The following STAG1 variants were observed in gnomAD, a reference collection of about 807,000 sequenced individuals.
The protein encoded by STAG1 is STAG1 cohesin complex component, also known as cohesin subunit SA-1.
In STAG1, 26 loss-of-function variants were observed where a neutral mutation model predicts 170.9. The observed-to-expected ratio is 0.15, with a 90% CI of 0.11 to 0.21. The LOEUF (loss-of-function observed/expected upper bound fraction) is 0.21, where lower values mean the gene tolerates loss of function less well. STAG1 is among the 10% of genes least tolerant of loss of function. The pLI, the probability that STAG1 is intolerant of heterozygous loss-of-function variation, is 1.00. For synonymous variants in STAG1, 514 were observed against 497.7 expected (o/e 1.03, Z -0.44); for missense variants, 964 against 1,509.5 (o/e 0.64, Z 5.99).
At chr3:136,694,212 A>G (rs1014623789) in intron 1 of STAG1, among the ~76,000 whole-genome samples, 1 of 152,194 alleles carries the variant, frequency 6.6e-6, no homozygotes, top group Admixed American at 6.5e-5. Context: ...ACTTATCCCA[A>G]TATCGTAGGC....
chr3:136,391,699 C>T (rs764107418), intron 22 of STAG1, among the ~76,000 whole-genome samples: 2 of 152,098 alleles, frequency 1.3e-5, no homozygotes, highest in Non-Finnish European at 2.9e-5. Context: ...CTCTTATTTG[C>T]CTGGCTCTTT....
At chr3:136,657,342 G>A (rs888186210) in intron 1 of STAG1, among the ~76,000 whole-genome samples, 2 of 151,896 alleles carry the variant, frequency 1.3e-5, no homozygotes, top group Non-Finnish European at 2.9e-5. Flanking sequence ...AGGATTACAG[G>A]TGCATCCCAC....
At chr3:136,519,603 A>G (rs1244736792) in intron 7 of STAG1, among the ~76,000 whole-genome samples, 1 of 152,074 alleles carries the variant, frequency 6.6e-6, no homozygotes, top group Admixed American at 6.6e-5. Context: ...TACTGTACAC[A>G]GAAAGAAGTA....
intron 12 of STAG1, 21 bp from the exon 13 acceptor site, chr3:136,465,009 C>T (rs1208560475): frequency 5.2e-6 from 8 of 1,551,312 alleles, no homozygotes; most frequent in Admixed American, 3.6e-5. Flanking sequence ...CAGAAAGTAA[C>T]ATCTGATCTA....
At chr3:136,654,825 A>G (rs1941324286) in intron 1 of STAG1, among the ~76,000 whole-genome samples, 1 of 152,216 alleles carries the variant, frequency 6.6e-6, no homozygotes, top group South Asian at 2.1e-4. Flanking sequence ...AATAGAAAAG[A>G]GAGCCCACAA....
intron 7 of STAG1, among the ~76,000 whole-genome samples, chr3:136,520,714 G>A (rs1488867124): frequency 1.3e-5 from 2 of 152,072 alleles, no homozygotes; most frequent in African/African-American, 2.4e-5. Flanking sequence ...TGACTTTAAA[G>A]ATGTTAATAT....
intron 1 of STAG1, among the ~76,000 whole-genome samples, chr3:136,703,707 CA>C (rs1243466439): frequency 1.3e-5 from 2 of 151,988 alleles, no homozygotes; most frequent in African/African-American, 4.8e-5. Context: ...TTAAAATCGA[CA>C]ATTAAAAAAC....
intron 1 of STAG1, among the ~76,000 whole-genome samples, chr3:136,634,329 C>T (rs1484233031): frequency 6.6e-6 from 1 of 151,706 alleles, no homozygotes; most frequent in Admixed American, 6.6e-5. Context: ...TACACTCCAG[C>T]CTGGGGTGAC....
At chr3:136,670,753 T>TGAGCCACCATGCCC (rs1356139546) in intron 1 of STAG1, among the ~76,000 whole-genome samples, 1 of 152,106 alleles carries the variant, frequency 6.6e-6, no homozygotes, top group African/African-American at 2.4e-5. Context: ...ATTACAGGTC[T>TGAGCCACCATGCCC]GAGCCACCAT....
At chr3:136,698,384 GA>G in intron 1 of STAG1, among the ~76,000 whole-genome samples, 1 of 152,178 alleles carries the variant, frequency 6.6e-6, no homozygotes, top group Non-Finnish European at 1.5e-5. Flanking sequence ...TAACAAGCAT[GA>G]AAAAATGCTC....
At chr3:136,338,342 T>C in intron 33 of STAG1, 28 bp downstream of exon 33, 1 of 1,594,146 alleles carries the variant, frequency 6.3e-7, no homozygotes, top group Non-Finnish European at 8.6e-7. Context: ...GAACCATAAA[T>C]AAAAAGCAGT....
chr3:136,598,354 C>T (rs528568112), intron 4 of STAG1, among the ~76,000 whole-genome samples: 1 of 152,242 alleles, frequency 6.6e-6, no homozygotes, highest in African/African-American at 2.4e-5. Flanking sequence ...CTGGCTCCAA[C>T]ATTTTCACTA....
chr3:136,386,063 C>T (rs1363548172), intron 22 of STAG1, among the ~76,000 whole-genome samples: 2 of 152,122 alleles, frequency 1.3e-5, no homozygotes, highest in African/African-American at 2.4e-5. Context: ...CTTGGCCGGG[C>T]GCAGTGGCTC....
At chr3:136,375,467 C>T (rs1937540348) in intron 23 of STAG1, among the ~76,000 whole-genome samples, 1 of 152,190 alleles carries the variant, frequency 6.6e-6, no homozygotes, top group Non-Finnish European at 1.5e-5. Context: ...TTTGGGATAA[C>T]TGTATATCTG....
rs531593085 is a variant in STAG1 at position 136,606,355 on chromosome 3, A to T, written c.133-1882T>A. On this transcript the variant is annotated intron_variant, in intron 3 of 33. Transcript: ENST00000383202. ...AGGCGCCTGTCATCACGCCCAGCTC[A>T]TTTTTGTACTTTTAGTACAGACAAG... 5.9e-5 allele frequency among the ~76,000 whole-genome samples: 9 copies of T among 152,094 alleles called. No individual in the cohort carries two copies. The South Asian group carries it at 1.9e-3, about 32-fold the overall frequency.
At chr3:136,488,232 C>T (rs2090055091) in intron 9 of STAG1, among the ~76,000 whole-genome samples, 3 of 152,358 alleles carry the variant, frequency 2.0e-5, no homozygotes, top group Admixed American at 2.0e-4. Context: ...AAGTGATTCT[C>T]CTGCCTCAGC....
chr3:136,363,306 C>A, intron 26 of STAG1, 60 bp downstream of exon 26: 1 of 875,804 alleles, frequency 1.1e-6, no homozygotes, highest in Non-Finnish European at 1.9e-6. Flanking sequence ...AAATATTAAG[C>A]ACAGAGAAGT....
At position 136,395,839 on chromosome 3, in the gene STAG1, AATC is replaced by A. The variant is rs767070001; in HGVS notation, c.2277+2907_2277+2909del. Among the ~76,000 whole-genome samples the A allele has an allele frequency of 3.9e-5, 6 of 152,200 alleles. No homozygotes were observed. In the South Asian group the frequency reaches 8.3e-4, roughly 21 times the overall value. The stretch of plus-strand genomic sequence containing the variant: ...GGTGAGAATAAAAGCAATTGTGTAA[AATC>A]ATTAAACCCTTCCTATCAAATTTTA... On this transcript the variant is annotated intron_variant, in intron 22 of 33. Coordinates refer to ENST00000383202, the MANE Select transcript of STAG1 (RefSeq NM_005862.3).
intron 28 of STAG1, among the ~76,000 whole-genome samples, chr3:136,356,645 A>C (rs760216063): frequency 6.6e-6 from 1 of 152,178 alleles, no homozygotes; most frequent in Non-Finnish European, 1.5e-5. Flanking sequence ...GCCTCCTTAC[A>C]GGCGTGAATC....
Sources: gnomAD v4.1 joint callset for allele counts (sites outside exome capture counted in the v4.1 genomes callset) on GRCh38, gnomAD v4.1.1 for gene constraint, MANE v1.5 for transcripts, NCBI Gene and HGNC (gene_info 2026-07-23, HGNC 2026-07-21) for gene names.